The following HGF variants were observed in gnomAD, a reference collection of about 807,000 sequenced individuals.
HGF encodes the protein fibroblast-derived tumor cytotoxic factor.
In HGF, 39 loss-of-function variants were observed where a neutral mutation model predicts 111.6. That is an observed-to-expected ratio of 0.35 (90% CI 0.27 to 0.46). HGF has a LOEUF of 0.46. Ranked by LOEUF, HGF falls within the 20% of genes least tolerant of loss-of-function variation. The probability of loss-of-function intolerance (pLI) is 1.00; values close to 1 mark genes in which losing one functional copy is unlikely to be tolerated. For missense variants in HGF, 735 were observed against 910.5 expected, an observed-to-expected ratio of 0.81 and a Z score of 2.48; for synonymous variants, 285 against 294.8, an observed-to-expected ratio of 0.97 and a Z score of 0.34.
intron 7 of HGF, among the ~76,000 whole-genome samples, chr7:81,734,420 T>G (rs1787759603): frequency 6.6e-6 from 1 of 152,276 alleles, no homozygotes; most frequent in Non-Finnish European, 1.5e-5. Context: ...ACTGTCCTGT[T>G]TGAATATGAA....
chr7:81,768,337 T>G (rs1369827680), intron 1 of HGF, among the ~76,000 whole-genome samples: 2 of 152,160 alleles, frequency 1.3e-5, no homozygotes, highest in African/African-American at 4.8e-5. Flanking sequence ...TTATTTCAAT[T>G]TAAGCTCAAA....
rs778206672 is a variant in HGF at position 81,717,223 on chromosome 7, T to C, written c.1405+9A>G. 1.2e-6 allele frequency: 2 copies of C among 1,612,778 alleles called. No individual in the cohort carries two copies. The highest frequency in any genetic ancestry group is 1.7e-6 in the Non-Finnish European group (2 of 1,178,986). On this transcript the variant is annotated intron_variant, in intron 11 of 17. Transcript: ENST00000222390. The stretch of plus-strand genomic sequence containing the variant: ...ATTTCACAAGACACCAATCCCTAAC[T>C]GTACTTACAACGAGAAATAGGGCAA...
chr7:81,731,195 C>T (rs1330951146), intron 7 of HGF, among the ~76,000 whole-genome samples: 3 of 152,072 alleles, frequency 2.0e-5, no homozygotes, highest in Non-Finnish European at 4.4e-5. Flanking sequence ...AAAACATTAC[C>T]TTAATGACTA....
At chr7:81,762,218 C>A (rs1789121549) in intron 2 of HGF, among the ~76,000 whole-genome samples, 1 of 152,192 alleles carries the variant, frequency 6.6e-6, no homozygotes, top group Non-Finnish European at 1.5e-5. Flanking sequence ...TTCTTTTAAA[C>A]AGTCTCTGCT....
At chr7:81,751,794 T>A in intron 5 of HGF, 2 of 1,138,280 alleles carry the variant, frequency 1.8e-6, no homozygotes, top group Non-Finnish European at 2.2e-6. Flanking sequence ...TCAACTCCTT[T>A]CAGGTGCCAC....
At chr7:81,729,014 T>C (rs1029753053) in intron 8 of HGF, among the ~76,000 whole-genome samples, 1 of 64,566 alleles carries the variant, frequency 1.5e-5, no homozygotes, top group African/African-American at 4.6e-5. Context: ...AAAACAACTA[T>C]GTAATTGATA....
chr7:81,702,993 A>G (rs1789326480), intron 17 of HGF, among the ~76,000 whole-genome samples: 1 of 151,690 alleles, frequency 6.6e-6, no homozygotes, highest in Non-Finnish European at 1.5e-5. Flanking sequence ...TATTCTCCTA[A>G]AAATGACTTG....
intron 7 of HGF, among the ~76,000 whole-genome samples, chr7:81,738,958 CTT>C (rs1377359885): frequency 6.6e-6 from 1 of 152,084 alleles, no homozygotes; most frequent in Non-Finnish European, 1.5e-5. Context: ...ATGCCCAAGG[CTT>C]TTGCTATCCC....
Position 81,702,279 on chromosome 7 carries a change from T to A in HGF, c.*302A>T, listed in dbSNP as rs186434043. 89 of 325,362 alleles carry A rather than the reference T, an allele frequency of 2.7e-4. No homozygotes were observed. Among genetic ancestry groups the A allele is most frequent in the African/African-American group, 1.8e-3 (84 of 47,708 alleles). The allele number at this position is 325,362 out of a possible 1,614,324, so 20.2% of individuals were successfully genotyped here. ...GCTTAGACAGATTAATTGATTTTTT[T>A]TCCCATGAAATCTTTATCATCCAGC... On this transcript the variant is annotated 3_prime_UTR_variant, in exon 18 of 18. Coordinates refer to ENST00000222390, the MANE Select transcript of HGF (RefSeq NM_000601.6).
At chr7:81,707,554 CT>C (rs1435128391) in intron 13 of HGF, among the ~76,000 whole-genome samples, 190 bp from the exon 14 acceptor site, 9 of 151,850 alleles carry the variant, frequency 5.9e-5, no homozygotes, top group South Asian at 2.1e-4. Context: ...GTAGCGTTAG[CT>C]TTTTTTTCAT....
At chr7:81,714,542 G>A (rs968199532) in intron 11 of HGF, among the ~76,000 whole-genome samples, 1 of 152,064 alleles carries the variant, frequency 6.6e-6, no homozygotes, top group Non-Finnish European at 1.5e-5. Flanking sequence ...AGGAAGTCTG[G>A]ATTGAAGTTC....
chr7:81,717,152 C>T (rs1037428621), intron 11 of HGF, 80 bp downstream of exon 11: 84 of 1,416,042 alleles, frequency 5.9e-5, no homozygotes, highest in Non-Finnish European at 8.2e-5. Flanking sequence ...TGCCAGACCA[C>T]CTATATTATT....
At chr7:81,767,734 C>A (rs1382247532) in intron 1 of HGF, among the ~76,000 whole-genome samples, 1 of 152,066 alleles carries the variant, frequency 6.6e-6, no homozygotes, top group Admixed American at 6.6e-5. Context: ...TGTCAACTTA[C>A]AGTATATACT....
chr7:81,731,760 T>C (rs989478711), intron 7 of HGF, among the ~76,000 whole-genome samples: 10 of 152,204 alleles, frequency 6.6e-5, no homozygotes, highest in Non-Finnish European at 1.0e-4. Flanking sequence ...TTTGTACTGC[T>C]ATATTTCATA....
chr7:81,722,845 G>GTATACATATATATATA (rs1491176589), intron 9 of HGF, among the ~76,000 whole-genome samples: 6 of 132,618 alleles, frequency 4.5e-5, no homozygotes, highest in Admixed American at 2.9e-4. Flanking sequence ...ATTTAAAAAG[G>GTATACATATATATATA]TATATATATA....
chr7:81,741,148 T>A (rs943047838), intron 7 of HGF, among the ~76,000 whole-genome samples: 1 of 152,198 alleles, frequency 6.6e-6, no homozygotes, highest in Admixed American at 6.5e-5. Flanking sequence ...CTCTTTATAG[T>A]CATATCTATA....
At chr7:81,734,791 A>G (rs79079576) in intron 7 of HGF, among the ~76,000 whole-genome samples, 193 of 152,254 alleles carry the variant, frequency 1.3e-3, no homozygotes, top group African/African-American at 4.5e-3. Context: ...CATATGAATG[A>G]TAAGTAAATG....
chr7:81,753,766 TC>T (rs1788617653), intron 4 of HGF, among the ~76,000 whole-genome samples: 1 of 151,974 alleles, frequency 6.6e-6, no homozygotes, highest in African/African-American at 2.4e-5. Context: ...ATAGTTAATA[TC>T]CATACTTAAC....
chr7:81,717,460 T>C, intron 10 of HGF, 95 bp from the exon 11 acceptor site: 1 of 1,187,208 alleles, frequency 8.4e-7, no homozygotes. Flanking sequence ...CACATTACTT[T>C]CACTGTAGAT....
Sources: allele counts gnomAD v4.1 joint callset (sites outside exome capture counted in the v4.1 genomes callset), GRCh38; gene constraint gnomAD v4.1.1; transcripts MANE v1.5; gene names NCBI Gene and HGNC (gene_info 2026-07-23, HGNC 2026-07-21).